Variants in GOLM2 observed in about 807,000 individuals in gnomAD.
The protein encoded by GOLM2 is golgi membrane protein 2, also known as protein GOLM2.
In GOLM2, 26 loss-of-function variants were observed where a neutral mutation model predicts 55.9. The observed-to-expected ratio is 0.47, with a 90% CI of 0.34 to 0.65. The LOEUF (loss-of-function observed/expected upper bound fraction) is 0.65. Ranked by LOEUF, GOLM2 falls within the 30% of genes least tolerant of loss-of-function variation. The pLI, the probability that GOLM2 is intolerant of heterozygous loss-of-function variation, is 0.01. For missense variants in GOLM2, 486 were observed against 531.8 expected, an observed-to-expected ratio of 0.91 and a Z score of 0.85; for synonymous variants, 165 against 194.6, an observed-to-expected ratio of 0.85 and a Z score of 1.27.
intron 9 of GOLM2, among the ~76,000 whole-genome samples, chr15:44,410,899 G>A (rs1445154476): frequency 6.5e-5 from 6 of 92,470 alleles, no homozygotes; most frequent in African/African-American, 1.3e-4. Context: ...CTGAGACCCT[G>A]TATCAAAAAA....
At chr15:44,299,954 G>T (rs986976177) in intron 1 of GOLM2, among the ~76,000 whole-genome samples, 17 of 112,918 alleles carry the variant, frequency 1.5e-4, no homozygotes, top group Admixed American at 9.6e-4. Context: ...AAAAAAAAAA[G>T]CTGGGCATGG....
At position 44,379,761 on chromosome 15, in the gene GOLM2, C is replaced by A. The variant is rs1312598254; in HGVS notation, c.874C>A (p.Gln292Lys). 1.2e-5 allele frequency: 19 copies of A among 1,610,400 alleles called. No individual in the cohort carries two copies. Among genetic ancestry groups the A allele is most frequent in the Non-Finnish European group, 1.5e-5 (18 of 1,177,252 alleles). The change falls in exon 7 of 10, where the codon CAA becomes AAA. Residue 292 changes from glutamine to lysine, a missense_variant. Coordinates refer to ENST00000299957, the MANE Select transcript of GOLM2 (RefSeq NM_138423.4). ...HQAISHLPTG[Q>K]PLSPNMPPDS... ...AGCAATCTCCCATCTTCCAACTGGA[C>A]AACCTCTCTCCCCAAATATGCCTCC...
At chr15:44,344,780 A>T (rs1450014265) in intron 6 of GOLM2, among the ~76,000 whole-genome samples, 6 of 141,250 alleles carry the variant, frequency 4.2e-5, no homozygotes, top group Admixed American at 7.1e-5. Flanking sequence ...TATTTAATTA[A>T]TTTTTTTTTT....
chr15:44,411,168 C>T (rs887018706), intron 9 of GOLM2, among the ~76,000 whole-genome samples: 3 of 151,660 alleles, frequency 2.0e-5, no homozygotes, highest in Middle Eastern at 3.2e-3. Flanking sequence ...ACTACAGGTA[C>T]ACACAACCAT....
chr15:44,343,424 T>C (rs1372115757), intron 6 of GOLM2, among the ~76,000 whole-genome samples: 1 of 152,184 alleles, frequency 6.6e-6, no homozygotes, highest in African/African-American at 2.4e-5. Flanking sequence ...TTGTCTTTTC[T>C]TCCTGAAGTA....
chr15:44,292,759 A>G (rs184611068), intron 1 of GOLM2, among the ~76,000 whole-genome samples: 12 of 152,200 alleles, frequency 7.9e-5, no homozygotes, highest in African/African-American at 2.9e-4. Flanking sequence ...TAGAAAGGGT[A>G]GTCTTGGTCT....
At chr15:44,293,318 A>AT (rs754580487) in intron 1 of GOLM2, among the ~76,000 whole-genome samples, 4 of 152,216 alleles carry the variant, frequency 2.6e-5, no homozygotes, top group Non-Finnish European at 5.9e-5. Flanking sequence ...ACATCTTAAC[A>AT]TAAGTATGAT....
At chr15:44,386,846 G>A (rs1251980211) in intron 8 of GOLM2, among the ~76,000 whole-genome samples, 2 of 151,068 alleles carry the variant, frequency 1.3e-5, no homozygotes, top group Non-Finnish European at 2.9e-5. Context: ...ACTCCAGCTT[G>A]GGTGACAAAG....
intron 1 of GOLM2, among the ~76,000 whole-genome samples, chr15:44,311,807 G>T (rs1323721338): frequency 6.6e-6 from 1 of 151,930 alleles, no homozygotes; most frequent in Non-Finnish European, 1.5e-5. Flanking sequence ...CCACCACCAT[G>T]CCTGGCTAAT....
At chr15:44,299,404 T>G (rs1453369690) in intron 1 of GOLM2, among the ~76,000 whole-genome samples, 1 of 152,016 alleles carries the variant, frequency 6.6e-6, no homozygotes, top group African/African-American at 2.4e-5. Flanking sequence ...GTGGTTCTCC[T>G]GCTTCTTCCT....
chr15:44,318,874 C>G (rs549588416), intron 1 of GOLM2, among the ~76,000 whole-genome samples: 1 of 152,252 alleles, frequency 6.6e-6, no homozygotes, highest in East Asian at 1.9e-4. Flanking sequence ...CTCCCTAATT[C>G]TCTGTTGCAG....
At chr15:44,400,647 G>A (rs1326635103) in intron 8 of GOLM2, among the ~76,000 whole-genome samples, 9 of 132,346 alleles carry the variant, frequency 6.8e-5, no homozygotes, top group Non-Finnish European at 1.2e-4. Flanking sequence ...CGCAATCTCA[G>A]CTCCCTGCAA....
intron 1 of GOLM2, among the ~76,000 whole-genome samples, chr15:44,305,514 G>A (rs946696240): frequency 4.0e-5 from 6 of 151,876 alleles, no homozygotes; most frequent in East Asian, 1.9e-4. Context: ...GCCCAGGCCC[G>A]TCTTGAACTC....
chr15:44,360,120 A>G lies in GOLM2; in HGVS notation c.803-19570A>G, dbSNP rs542936810. ...ATCATGCCAAAATGTAAAGACCATC[A>G]AGACTAGGAAGAAACTGCATCAACT... On this transcript the variant is annotated intron_variant, in intron 6 of 9. Transcript: ENST00000299957. Among the ~76,000 whole-genome samples, 676 of 152,110 alleles carry G rather than the reference A, an allele frequency of 4.4e-3. 5 individuals are homozygous for G. The highest frequency in any genetic ancestry group is 0.016 in the African/African-American group (643 of 41,470).
intron 2 of GOLM2, among the ~76,000 whole-genome samples, chr15:44,326,674 C>T (rs1294210433): frequency 3.0e-5 from 4 of 134,778 alleles, no homozygotes; most frequent in South Asian, 4.8e-4. Flanking sequence ...TTTTTTGAGA[C>T]GGATTCTCGC....
chr15:44,344,931 C>T (rs1235860611), intron 6 of GOLM2, among the ~76,000 whole-genome samples: 2 of 150,970 alleles, frequency 1.3e-5, no homozygotes, highest in Non-Finnish European at 3.0e-5. Flanking sequence ...GCACCCGCCA[C>T]AAGTAGCTGG....
At chr15:44,314,064 C>T (rs1032075611) in intron 1 of GOLM2, among the ~76,000 whole-genome samples, 78 of 151,910 alleles carry the variant, frequency 5.1e-4, no homozygotes, top group East Asian at 1.2e-3. Context: ...AGTGAAACCC[C>T]GTCTCTACTA....
intron 6 of GOLM2, among the ~76,000 whole-genome samples, chr15:44,360,663 G>T (rs1026187358): frequency 6.6e-6 from 1 of 151,998 alleles, no homozygotes; most frequent in Admixed American, 6.6e-5. Flanking sequence ...AAGTCAACAA[G>T]GATACCCAGG....
At chr15:44,324,348 G>A (rs1043209470) in intron 2 of GOLM2, among the ~76,000 whole-genome samples, 2 of 151,962 alleles carry the variant, frequency 1.3e-5, no homozygotes, top group African/African-American at 2.4e-5. Context: ...TTTTGAAATT[G>A]TGTATGATAC....
Sources: gnomAD v4.1 joint callset for allele counts (sites outside exome capture counted in the v4.1 genomes callset) on GRCh38, gnomAD v4.1.1 for gene constraint, MANE v1.5 for transcripts, NCBI Gene and HGNC (gene_info 2026-07-23, HGNC 2026-07-21) for gene names.